The following SDK2 variants were observed in gnomAD, a reference collection of about 807,000 sequenced individuals.
The protein encoded by SDK2 is protein sidekick-2.
SDK2 carries 105 observed loss-of-function variants against 253.9 expected under a neutral mutation model. The ratio of observed to expected loss-of-function variants is 0.41; its 90% CI spans 0.35 to 0.49. The LOEUF is 0.49. Among genes scored for constraint, SDK2 ranks in the 20% least tolerant of loss-of-function variants. The probability of loss-of-function intolerance (pLI) is 0.06; values close to 1 mark genes in which losing one functional copy is unlikely to be tolerated. For missense variants in SDK2, 2,608 were observed against 3,003.0 expected (o/e 0.87, Z 3.07); for synonymous variants, 1,249 against 1,234.9 (o/e 1.01, Z -0.24).
In SDK2 at chr17:73,402,054, C is replaced by T. The variant is rs772950192; in HGVS notation, c.2572G>A (p.Val858Met). The T allele has an allele frequency of 3.1e-6, 5 of 1,614,032 alleles. No individual in the cohort carries two copies. The highest frequency in any genetic ancestry group is 2.2e-5 in the South Asian group (2 of 91,076). Residue 858 changes from valine to methionine, a missense_variant, in exon 19 of 45, where the codon GTG becomes ATG. Transcript: ENST00000392650. ...NFQDSIHVGF[V>M]SGLKKFTEYF... ...TCGGTGAACTTCTTCAGGCCAGACA[C>T]GAAGCCCACGTGGATGCTGTCTTGA...
At position 73,355,177 on chromosome 17, in the gene SDK2, T is replaced by A. The variant is rs1403683199; in HGVS notation, c.5594-2540A>T. Among the ~76,000 whole-genome samples, 154 of 46,174 alleles carry A rather than the reference T, an allele frequency of 3.3e-3. 1 individual carries two copies. Among genetic ancestry groups the A allele is most frequent in the African/African-American group, 9.3e-3 (143 of 15,322 alleles). 30.3% of individuals were successfully genotyped at this position (46,174 alleles called of 152,430 possible). ...ACACCTCCATATATATATATATATT[T>A]TTTTTTTTTTTTTTTTTTAGACGGA... On this transcript the variant is annotated intron_variant, in intron 40 of 44. Transcript: ENST00000392650.
intron 24 of SDK2, among the ~76,000 whole-genome samples, chr17:73,397,515 C>G (rs1049276843): frequency 6.6e-6 from 1 of 152,204 alleles, no homozygotes; most frequent in South Asian, 2.1e-4. Flanking sequence ...ACTCTGCTGT[C>G]ACAGGCTTGT....
At chr17:73,537,152 A>G (rs1193898220) in intron 1 of SDK2, among the ~76,000 whole-genome samples, 1 of 152,224 alleles carries the variant, frequency 6.6e-6, no homozygotes, top group East Asian at 1.9e-4. Flanking sequence ...CTGGGCGCTC[A>G]GTTAATACTC....
chr17:73,436,822 C>CT (rs894291125), intron 8 of SDK2, among the ~76,000 whole-genome samples: 3 of 151,942 alleles, frequency 2.0e-5, no homozygotes, highest in African/African-American at 7.3e-5. Context: ...AATTGGCTGC[C>CT]TTTTTTCTTT....
intron 3 of SDK2, among the ~76,000 whole-genome samples, chr17:73,460,460 G>A (rs1178115248): frequency 1.3e-5 from 2 of 152,176 alleles, no homozygotes; most frequent in Non-Finnish European, 2.9e-5. Context: ...ATAAATGATT[G>A]CAGTATACCA....
chr17:73,410,490 G>T lies in SDK2; in HGVS notation c.2484+4154C>A, dbSNP rs139478031. On this transcript the variant is annotated intron_variant, in intron 18 of 44. Coordinates refer to ENST00000392650, the MANE Select transcript of SDK2 (RefSeq NM_001144952.2). ...GTGTCACCACACCTGGCTAATTTTT[G>T]TATTTTCAGTAGAGACAAGGTTTCA... Among the ~76,000 whole-genome samples, 217 of 152,060 alleles carry T rather than the reference G, an allele frequency of 1.4e-3. 3 individuals carry two copies. In the East Asian group the frequency reaches 0.037, roughly 26 times the overall value.
chr17:73,532,017 C>A (rs905449197), intron 1 of SDK2, among the ~76,000 whole-genome samples: 5 of 152,164 alleles, frequency 3.3e-5, no homozygotes, highest in Non-Finnish European at 5.9e-5. Flanking sequence ...TCTATGCATT[C>A]GTCTCTCTCT....
chr17:73,386,541 G>C lies in SDK2; in HGVS notation c.4402C>G (p.Pro1468Ala), dbSNP rs142963601. 2.6e-6 allele frequency: 4 copies of C among 1,553,736 alleles called. No homozygotes were observed. Among genetic ancestry groups the C allele is most frequent in the South Asian group, 1.2e-5 (1 of 84,184 alleles). The change falls in exon 31 of 45, where the codon CCC becomes GCC. Residue 1468 changes from proline (P) to alanine (A), a missense_variant. Transcript: ENST00000392650. ...ACTCGGAACTTGTAGGACGTGAAGG[G>C]CTTCAGCCTGTAGGGAGAAATCAGG... ...ASSFIVDRLK[P>A]FTSYKFRVKA...
At chr17:73,470,857 A>T (rs565421473) in intron 3 of SDK2, among the ~76,000 whole-genome samples, 39 of 152,338 alleles carry the variant, frequency 2.6e-4, no homozygotes, top group African/African-American at 9.1e-4. Context: ...CCACAGTACA[A>T]CGTGGGACTT....
chr17:73,499,895 GTGTGTGTGTGTGTGTT>G (rs1488442485), intron 2 of SDK2, among the ~76,000 whole-genome samples: 1 of 143,244 alleles, frequency 7.0e-6, no homozygotes, highest in African/African-American at 2.6e-5. Context: ...GTGTGTGTGT[GTGTGTGTGTGTGTGTT>G]TGAGTGATCG....
intron 40 of SDK2, 139 bp downstream of exon 40, chr17:73,357,940 A>C (rs774247323): frequency 2.3e-5 from 31 of 1,339,722 alleles, no homozygotes; most frequent in Non-Finnish European, 3.1e-5. Flanking sequence ...CCACTCCTCA[A>C]CAGGGCCAGG....
At chr17:73,595,186 G>A (rs967914626) in intron 1 of SDK2, among the ~76,000 whole-genome samples, 1 of 150,364 alleles carries the variant, frequency 6.7e-6, no homozygotes, top group Non-Finnish European at 1.5e-5. Context: ...GTGAGAATTC[G>A]AGTGTGGGTG....
chr17:73,524,627 C>A (rs929493846), intron 1 of SDK2, among the ~76,000 whole-genome samples: 2 of 152,234 alleles, frequency 1.3e-5, no homozygotes, highest in South Asian at 4.1e-4. Flanking sequence ...TGTCTGCAGT[C>A]ATGAGGGCCA....
At chr17:73,593,417 A>C (rs1432606470) in intron 1 of SDK2, among the ~76,000 whole-genome samples, 2 of 152,126 alleles carry the variant, frequency 1.3e-5, no homozygotes, top group Non-Finnish European at 2.9e-5. Context: ...CCCCCACCCA[A>C]AGGAACAGAG....
At chr17:73,469,481 G>A (rs1027850586) in intron 3 of SDK2, among the ~76,000 whole-genome samples, 1 of 152,232 alleles carries the variant, frequency 6.6e-6, no homozygotes, top group African/African-American at 2.4e-5. Context: ...CAGAGGGCGG[G>A]CCCAGGTCTG....
chr17:73,582,450 G>A (rs2045550214), intron 1 of SDK2, among the ~76,000 whole-genome samples: 1 of 152,202 alleles, frequency 6.6e-6, no homozygotes, highest in Non-Finnish European at 1.5e-5. Context: ...TTTTCATGCT[G>A]GCAACAGCTG....
At chr17:73,374,728 A>C (rs2062763718) in intron 36 of SDK2, among the ~76,000 whole-genome samples, 1 of 151,996 alleles carries the variant, frequency 6.6e-6, no homozygotes, top group Non-Finnish European at 1.5e-5. Flanking sequence ...TTGGGCTCCC[A>C]AAGTGCTGGG....
chr17:73,564,071 G>A (rs1278907457), intron 1 of SDK2, among the ~76,000 whole-genome samples: 1 of 152,126 alleles, frequency 6.6e-6, no homozygotes, highest in Non-Finnish European at 1.5e-5. Context: ...GCTGTGCCCA[G>A]CCCCCAGTAA....
rs76004683 is a variant in SDK2 at position 73,642,364 on chromosome 17, C to A, written c.64+1661G>T. ...AGCAATGAAGTTAGAAGGGTCCAGA[C>A]AGATGCTGGCATCCCGTCCCTCCAC... On this transcript the variant is annotated intron_variant, in intron 1 of 44. Coordinates refer to ENST00000392650, the MANE Select transcript of SDK2 (RefSeq NM_001144952.2). This position sits in a 1 kb window ranked among gnomAD's most constrained non-coding sequence, Gnocchi z 4.7. Among the ~76,000 whole-genome samples, 2,795 of 152,340 alleles carry A rather than the reference C, an allele frequency of 0.018. 55 individuals are homozygous for A. The highest frequency in any genetic ancestry group is 0.022 in the Non-Finnish European group (1,484 of 68,022).
Sources: gnomAD v4.1 joint callset for allele counts (sites outside exome capture counted in the v4.1 genomes callset) on GRCh38, gnomAD v4.1.1 for gene constraint, Gnocchi (gnomAD v3.1) non-coding constraint, MANE v1.5 for transcripts, NCBI Gene and HGNC (gene_info 2026-07-23, HGNC 2026-07-21) for gene names.